CLIP2: variants seen among roughly 807,000 people sequenced by gnomAD.
CLIP2 encodes the protein CAP-Gly domain containing linker protein 2.
A neutral mutation model predicts 111.7 loss-of-function variants in CLIP2; 41 were observed. The observed-to-expected ratio is 0.37, with a 90% CI of 0.29 to 0.48. CLIP2 has a LOEUF of 0.48. CLIP2 is among the 20% of genes least tolerant of loss of function. The pLI is 0.99. For synonymous variants in CLIP2, 660 were observed against 644.2 expected (o/e 1.02, Z -0.37); for missense variants, 1,160 against 1,422.1 (o/e 0.82, Z 2.96).
At chr7:74,342,375 C>CA (rs141312914) in intron 3 of CLIP2, among the ~76,000 whole-genome samples, 9,212 of 93,952 alleles carry the variant, frequency 0.098, 633 homozygotes, top group East Asian at 0.44. Flanking sequence ...GACTCTGTCT[C>CA]AAAAAAAAAA....
rs187149095 is a variant in CLIP2, at chr7:74,322,506, G to A, written c.121+4839G>A. ...GCCTGTAATCCCAGCTACCCAAGAG[G>A]CAGAGGTTTCAGTGAGCCGAGACCA... is the stretch of plus-strand genomic sequence containing the variant. On this transcript the variant is annotated intron_variant, in intron 2 of 16. Coordinates refer to ENST00000223398, the MANE Select transcript of CLIP2 (RefSeq NM_003388.5). 2.8e-4 allele frequency among the ~76,000 whole-genome samples: 42 copies of A among 151,978 alleles called. 2 individuals are homozygous for A. The highest frequency in any genetic ancestry group is 2.9e-5 in the Non-Finnish European group (2 of 67,972).
At chr7:74,393,732 A>T (rs1309625300) in intron 13 of CLIP2, among the ~76,000 whole-genome samples, 1 of 152,232 alleles carries the variant, frequency 6.6e-6, no homozygotes, top group African/African-American at 2.4e-5. Context: ...TTCTATACAG[A>T]TTAAGAGTTG....
intron 3 of CLIP2, among the ~76,000 whole-genome samples, chr7:74,344,740 C>G (rs980421175): frequency 6.6e-6 from 1 of 151,952 alleles, no homozygotes; most frequent in Non-Finnish European, 1.5e-5. Context: ...AAAGGACATT[C>G]GAGGTTGGAA....
At chr7:74,385,737 C>CT (rs869087670) in intron 11 of CLIP2, among the ~76,000 whole-genome samples, 1,351 of 117,616 alleles carry the variant, frequency 0.011, 14 homozygotes, top group Middle Eastern at 0.017. Flanking sequence ...GTCGGGTCTT[C>CT]TTTTTTTTTT....
chr7:74,352,585 C>G (rs1251639228), intron 3 of CLIP2, among the ~76,000 whole-genome samples: 1 of 151,818 alleles, frequency 6.6e-6, no homozygotes, highest in East Asian at 1.9e-4. Flanking sequence ...GTACTGCAAT[C>G]CTGGAGTCAG....
At chr7:74,342,833 G>A (rs1240118493) in intron 3 of CLIP2, among the ~76,000 whole-genome samples, 2 of 152,032 alleles carry the variant, frequency 1.3e-5, no homozygotes, top group South Asian at 2.1e-4. Flanking sequence ...GGATCACGAC[G>A]TCAGGAGATC....
chr7:74,383,582 TTAACA>T (rs1791002980), intron 11 of CLIP2, among the ~76,000 whole-genome samples: 1 of 152,168 alleles, frequency 6.6e-6, no homozygotes, highest in East Asian at 1.9e-4. Context: ...ATGAAAAAAA[TTAACA>T]TAACATACAA....
chr7:74,308,864 A>G (rs1447455736), intron 1 of CLIP2, among the ~76,000 whole-genome samples: 1 of 149,186 alleles, frequency 6.7e-6, no homozygotes, highest in Admixed American at 6.7e-5. Context: ...GCCCTTTTTA[A>G]AAAATTTTTT....
intron 6 of CLIP2, among the ~76,000 whole-genome samples, chr7:74,359,650 C>CA (rs1289726972): frequency 1.1e-4 from 17 of 152,120 alleles, no homozygotes; most frequent in Admixed American, 1.1e-3. Flanking sequence ...CCACTGCACC[C>CA]GGCCCATTTC....
At chr7:74,375,077 TA>T (rs1450585320) in intron 9 of CLIP2, among the ~76,000 whole-genome samples, 2 of 152,090 alleles carry the variant, frequency 1.3e-5, no homozygotes, top group Non-Finnish European at 2.9e-5. Flanking sequence ...AATTTCTTAA[TA>T]AAAATACAAA....
At chr7:74,331,205 CAAAAAAAAAAAAAAA>C (rs58844348) in intron 2 of CLIP2, among the ~76,000 whole-genome samples, 6 of 59,942 alleles carry the variant, frequency 1.0e-4, no homozygotes, top group Non-Finnish European at 1.6e-4. Flanking sequence ...GACTCCATCT[CAAAAAAAAAAAAAAA>C]AAAAAAAAAA....
intron 2 of CLIP2, among the ~76,000 whole-genome samples, chr7:74,328,847 C>T (rs1554730950): frequency 6.6e-6 from 1 of 151,592 alleles, no homozygotes; most frequent in Non-Finnish European, 1.5e-5. Context: ...GCCTCCAACT[C>T]CTCTCTCAGC....
At chr7:74,300,586 G>A (rs982388715) in intron 1 of CLIP2, among the ~76,000 whole-genome samples, 2 of 151,762 alleles carry the variant, frequency 1.3e-5, no homozygotes, top group Non-Finnish European at 2.9e-5. Flanking sequence ...CTCCCAAGTA[G>A]CTGGGACTAC....
At chr7:74,397,280 G>T (rs782436127) in intron 14 of CLIP2, 47 bp downstream of exon 14, 28 of 1,584,814 alleles carry the variant, frequency 1.8e-5, no homozygotes, top group Non-Finnish European at 2.3e-5. Flanking sequence ...TAGTCCGGGT[G>T]GGGCTGGGCT....
chr7:74,329,305 A>G (rs1789211242), intron 2 of CLIP2, among the ~76,000 whole-genome samples: 1 of 151,780 alleles, frequency 6.6e-6, no homozygotes, highest in African/African-American at 2.4e-5. Flanking sequence ...TCGGCCTCCC[A>G]GAGTGCTGGG....
chr7:74,345,779 G>A (rs1199812101), intron 3 of CLIP2, among the ~76,000 whole-genome samples: 3 of 151,944 alleles, frequency 2.0e-5, no homozygotes, highest in East Asian at 4.0e-4. Context: ...CCCGGGAGGC[G>A]GAGGTTGCAA....
chr7:74,377,851 G>A (rs1387159410), intron 10 of CLIP2, among the ~76,000 whole-genome samples: 1 of 150,732 alleles, frequency 6.6e-6, no homozygotes, highest in Non-Finnish European at 1.5e-5. Flanking sequence ...TTGAGATGGA[G>A]TTTTGCTCTT....
intron 3 of CLIP2, among the ~76,000 whole-genome samples, chr7:74,340,554 C>T (rs1396952245): frequency 6.6e-6 from 1 of 152,170 alleles, no homozygotes; most frequent in Non-Finnish European, 1.5e-5. Flanking sequence ...GGCCCCTCTT[C>T]TCCACTAGTC....
At chr7:74,328,522 G>T (rs1789182945) in intron 2 of CLIP2, among the ~76,000 whole-genome samples, 1 of 152,108 alleles carries the variant, frequency 6.6e-6, no homozygotes, top group African/African-American at 2.4e-5. Context: ...CAGTTAGCCT[G>T]GGAGTCAGGT....
Sources: gnomAD v4.1 joint callset for allele counts (sites outside exome capture counted in the v4.1 genomes callset) on GRCh38, gnomAD v4.1.1 for gene constraint, MANE v1.5 for transcripts, NCBI Gene and HGNC (gene_info 2026-07-23, HGNC 2026-07-21) for gene names.